Variants in TTPA observed in about 807,000 individuals in gnomAD.
TTPA encodes the protein alpha-tocopherol transfer protein.
In TTPA, 23 loss-of-function variants were observed where a neutral mutation model predicts 25.9. The observed-to-expected ratio is 0.89, with a 90% CI of 0.64 to 1.26. The LOEUF is 1.26. Ranked by LOEUF, TTPA falls within the 50% of genes most tolerant of loss-of-function variation. TTPA has a pLI of 0.00. For synonymous variants in TTPA, 148 were observed against 137.3 expected, an observed-to-expected ratio of 1.08 and a Z score of -0.54; for missense variants, 337 against 353.1, an observed-to-expected ratio of 0.95 and a Z score of 0.37.
chr8:63,070,120 C>T (rs1805461102), intron 2 of TTPA, among the ~76,000 whole-genome samples: 1 of 152,212 alleles, frequency 6.6e-6, no homozygotes, highest in Admixed American at 6.5e-5. Flanking sequence ...TGTAGCAGAG[C>T]TGAGATTCCA....
At chr8:63,062,150 G>A (rs930995298) in intron 4 of TTPA, among the ~76,000 whole-genome samples, 14 of 151,476 alleles carry the variant, frequency 9.2e-5, no homozygotes, top group Admixed American at 1.3e-4. Context: ...AGCCAAGATC[G>A]TGCCACTGCA....
intron 2 of TTPA, among the ~76,000 whole-genome samples, chr8:63,069,731 GC>G (rs1324133820): frequency 1.7e-5 from 2 of 114,340 alleles, no homozygotes; most frequent in Admixed American, 1.9e-4. Context: ...TAAGACCCTA[GC>G]TTAGAAAAAA....
chr8:63,078,480 G>C (rs1805608054), intron 1 of TTPA, among the ~76,000 whole-genome samples: 1 of 152,184 alleles, frequency 6.6e-6, no homozygotes, highest in Non-Finnish European at 1.5e-5. Flanking sequence ...AAACAGTGTA[G>C]AGAAGACCTT....
intron 1 of TTPA, among the ~76,000 whole-genome samples, chr8:63,085,482 C>A (rs1464126427): frequency 2.6e-5 from 4 of 152,220 alleles, no homozygotes; most frequent in Non-Finnish European, 5.9e-5. Flanking sequence ...GGCTTTCCTG[C>A]AGGGAGAGGA....
At position 63,060,544 on chromosome 8, in the gene TTPA, C is replaced by G. The variant is rs1805287662; in HGVS notation, c.*708G>C. ...ACCAGCTTGGCCAACGTGGCAAAAC[C>G]CCATCTCTATATAAAATACAAAACT... On this transcript the variant is annotated 3_prime_UTR_variant, in exon 5 of 5. Transcript: ENST00000260116. 1 of 152,008 alleles carries G rather than the reference C, an allele frequency of 6.6e-6. No homozygotes were observed. The highest frequency in any genetic ancestry group is 1.5e-5 in the Non-Finnish European group (1 of 68,094). The allele number at this position is 152,008 out of a possible 1,614,324, so 9.4% of individuals were successfully genotyped here.
intron 1 of TTPA, among the ~76,000 whole-genome samples, chr8:63,075,698 C>CAAAAAAAA (rs751066913): frequency 5.3e-5 from 3 of 56,964 alleles, no homozygotes; most frequent in African/African-American, 1.3e-4. Context: ...GACTCCGTCT[C>CAAAAAAAA]AAAAAAAAAA....
chr8:63,067,266 T>C (rs2129749364), intron 2 of TTPA, among the ~76,000 whole-genome samples: 1 of 152,042 alleles, frequency 6.6e-6, no homozygotes, highest in African/African-American at 2.4e-5. Flanking sequence ...GAAGATCAAG[T>C]TGAAGAATTC....
intron 1 of TTPA, among the ~76,000 whole-genome samples, chr8:63,078,335 C>T (rs889197550): frequency 1.3e-5 from 2 of 152,182 alleles, no homozygotes; most frequent in African/African-American, 4.8e-5. Flanking sequence ...TGGAGAATGA[C>T]TTTGATGAGT....
At position 63,072,413 on chromosome 8, in the gene TTPA, C is replaced by T. The variant is rs551768914; in HGVS notation, c.358+522G>A. Among the ~76,000 whole-genome samples, 5 of 152,174 alleles carry T rather than the reference C, an allele frequency of 3.3e-5. No individual in the cohort carries two copies. The East Asian group carries it at 5.8e-4, about 18-fold the overall frequency. The stretch of plus-strand genomic sequence containing the variant: ...GAGTAGCTGGGATTACAGGTATGCA[C>T]CACCACACCCAGCTAATTTTTGTAC... On this transcript the variant is annotated intron_variant, in intron 2 of 4. Coordinates refer to ENST00000260116, the MANE Select transcript of TTPA (RefSeq NM_000370.3).
intron 1 of TTPA, among the ~76,000 whole-genome samples, chr8:63,078,289 A>G (rs1258964762): frequency 7.2e-5 from 11 of 152,222 alleles, no homozygotes; most frequent in Non-Finnish European, 1.6e-4. Context: ...CCTCCAAAGG[A>G]TCACAGCTCC....
At chr8:63,078,821 C>A (rs562518804) in intron 1 of TTPA, among the ~76,000 whole-genome samples, 2 of 152,124 alleles carry the variant, frequency 1.3e-5, no homozygotes, top group African/African-American at 4.8e-5. Flanking sequence ...CAATCAAATT[C>A]AGGAAATACA....
At position 63,085,824 on chromosome 8, in the gene TTPA, G is replaced by A. The variant is rs1563366966; in HGVS notation, c.198C>T (p.Ala66=). 6.5e-7 allele frequency: 1 copy of A among 1,536,280 alleles called. No individual in the cohort carries two copies. Among genetic ancestry groups the A allele is most frequent in the South Asian group, 1.2e-5 (1 of 83,644 alleles). Residue 66 remains alanine (A), a synonymous_variant, in exon 1 of 5, where the codon GCC becomes GCT. Transcript: ENST00000260116. The part of the protein sequence containing the change: ...LRARDFDLDL[A]WRLLKNYYKW... ...CCTGGGCACGCACGCTTACCCGCCAGGCCAGGTCCAGATCGAAATCCCGGG... is the reference window on the plus strand; with the variant it reads ...CCTGGGCACGCACGCTTACCCGCCAAGCCAGGTCCAGATCGAAATCCCGGG...
At chr8:63,079,005 A>C (rs1439351262) in intron 1 of TTPA, among the ~76,000 whole-genome samples, 3 of 152,220 alleles carry the variant, frequency 2.0e-5, no homozygotes, top group Non-Finnish European at 4.4e-5. Context: ...GAAACCCTAC[A>C]AACCAGAAGA....
Position 63,060,652 on chromosome 8 carries a change from C to A in TTPA, c.*600G>T, listed in dbSNP as rs938808381. On this transcript the variant is annotated 3_prime_UTR_variant, in exon 5 of 5. Coordinates refer to ENST00000260116, the MANE Select transcript of TTPA (RefSeq NM_000370.3). Reference sequence around the variant, plus strand: ...TCTCACTACTGCACTCTAGCCTGGGCGACAGAGCAAGACTCTGTCTGAAAA... The same window carrying A: ...TCTCACTACTGCACTCTAGCCTGGGAGACAGAGCAAGACTCTGTCTGAAAA... The A allele has an allele frequency of 6.7e-6, 1 of 148,264 alleles. No individual in the cohort carries two copies. The highest frequency in any genetic ancestry group is 2.6e-5 in the African/African-American group (1 of 38,612). 9.2% of individuals were successfully genotyped at this position (148,264 alleles called of 1,614,324 possible). A position where few individuals can be genotyped will look rare whatever the true frequency, so the allele number is the denominator to read the frequency against.
intron 3 of TTPA, among the ~76,000 whole-genome samples, chr8:63,064,766 A>G (rs1412307110): frequency 1.3e-5 from 2 of 152,216 alleles, no homozygotes; most frequent in African/African-American, 2.4e-5. Context: ...AAAGTAATAT[A>G]GGCTTATTTA....
At chr8:63,070,040 C>T (rs1029299303) in intron 2 of TTPA, among the ~76,000 whole-genome samples, 2 of 152,188 alleles carry the variant, frequency 1.3e-5, no homozygotes, top group Admixed American at 1.3e-4. Context: ...TATGTGACAG[C>T]TTTTCAATGT....
In TTPA at chr8:63,064,321, T is replaced by G; in HGVS notation, c.553-5A>C. 3 of 1,597,346 alleles carry G rather than the reference T, an allele frequency of 1.9e-6. No individual in the cohort carries two copies. Among genetic ancestry groups the G allele is most frequent in the Non-Finnish European group, 1.7e-6 (2 of 1,166,686 alleles). On this transcript the variant is annotated splice_polypyrimidine_tract_variant and splice_region_variant and intron_variant, in intron 3 of 4. Transcript: ENST00000260116. The stretch of plus-strand genomic sequence containing the variant: ...AACTTTCAATGGAAATGAATCCTTT[T>G]GAAAATAAAAAAATCTTAATAACAA...
Position 63,085,931 on chromosome 8 carries a change from G to C in TTPA, c.91C>G (p.Leu31Val). Residue 31 changes from leucine to valine, a missense_variant, in exon 1 of 5, where the codon CTG (leucine) becomes GTG (valine). Transcript: ENST00000260116. ...CCAGCTTCCCGGGCCCGGCGCCGCAGCGCCGCCAGGCCCGGCTGCAGCAAC... is the reference window on the plus strand; with the variant it reads ...CCAGCTTCCCGGGCCCGGCGCCGCACCGCCGCCAGGCCCGGCTGCAGCAAC... The part of the protein sequence containing the change: ...SPLLQPGLAA[L>V]RRRAREAGVP... 3 of 1,519,614 alleles carry C rather than the reference G, an allele frequency of 2.0e-6. No homozygotes were observed. Among genetic ancestry groups the C allele is most frequent in the Non-Finnish European group, 2.6e-6 (3 of 1,140,482 alleles). The allele number at this position is 1,519,614 out of a possible 1,614,324, so 94.1% of individuals were successfully genotyped here.
intron 1 of TTPA, among the ~76,000 whole-genome samples, chr8:63,076,106 T>C (rs1363289711): frequency 6.6e-6 from 1 of 152,228 alleles, no homozygotes; most frequent in Non-Finnish European, 1.5e-5. Flanking sequence ...TTCAAATCCC[T>C]GCTTCAACAC....
Sources: gnomAD v4.1 joint callset for allele counts (sites outside exome capture counted in the v4.1 genomes callset) on GRCh38, gnomAD v4.1.1 for gene constraint, MANE v1.5 for transcripts, NCBI Gene and HGNC (gene_info 2026-07-23, HGNC 2026-07-21) for gene names.